Variants in IQGAP3 observed in about 807,000 individuals in gnomAD.
IQGAP3 encodes the protein ras GTPase-activating-like protein IQGAP3.
A neutral mutation model predicts 208.2 loss-of-function variants in IQGAP3; 165 were observed. The observed-to-expected ratio is 0.79, with a 90% CI of 0.70 to 0.90. IQGAP3 has a LOEUF of 0.90. Ranked by LOEUF, IQGAP3 falls within the 40% of genes least tolerant of loss-of-function variation. The probability of loss-of-function intolerance (pLI) is 0.00; values close to 1 mark genes in which losing one functional copy is unlikely to be tolerated. For missense variants in IQGAP3, 1,811 were observed against 2,043.1 expected (o/e 0.89, Z 2.19); for synonymous variants, 703 against 803.6 (o/e 0.87, Z 2.12).
rs1276084160 is a variant in IQGAP3 at position 156,531,261 on chromosome 1, A to T, written c.4104-14T>A. 1 of 1,607,780 alleles carries T rather than the reference A, an allele frequency of 6.2e-7. No homozygotes were observed. The highest frequency in any genetic ancestry group is 1.7e-5 in the Admixed American group (1 of 60,002). The stretch of plus-strand genomic sequence containing the variant: ...AGCTGCTTGGTGCTGCACAAGGAGG[A>T]CAGTGACAGAGGAGAGGTAAGGGGC... On this transcript the variant is annotated splice_polypyrimidine_tract_variant and intron_variant, in intron 32 of 37. Transcript: ENST00000361170.
intron 37 of IQGAP3, among the ~76,000 whole-genome samples, chr1:156,527,200 G>T (rs1557912719): frequency 6.6e-6 from 1 of 151,844 alleles, no homozygotes; most frequent in African/African-American, 2.4e-5. Context: ...CTACTGCTCG[G>T]CTGGGCATGG....
In IQGAP3 at chr1:156,563,571, A is replaced by T. The variant is rs1447843962; in HGVS notation, c.601T>A (p.Ser201Thr). The T allele has an allele frequency of 1.2e-6, 2 of 1,613,580 alleles. No individual in the cohort carries two copies. Among genetic ancestry groups the T allele is most frequent in the African/African-American group, 2.7e-5 (2 of 74,894 alleles). ...TCCTTACCTGCAGCCTCATCCACCG[A>T]GAGCTCATTGGCCAAGATGCCCCCG... is the stretch of plus-strand genomic sequence containing the variant. The part of the protein sequence containing the change: ...KIGGILANEL[S>T]VDEAAVHAAV... Residue 201 changes from serine to threonine, a missense_variant, in exon 7 of 38, where the codon TCG becomes ACG. Physicochemically the swap from Ser to Thr is moderately conservative, Grantham distance 58. Transcript: ENST00000361170.
At chr1:156,551,942 G>A in intron 14 of IQGAP3, 32 bp downstream of exon 14, 2 of 1,606,648 alleles carry the variant, frequency 1.2e-6, no homozygotes, top group African/African-American at 1.3e-5. Flanking sequence ...CCTAAGTTGG[G>A]CCATCTCCAC....
chr1:156,539,107 A>G, intron 25 of IQGAP3, 74 bp from the exon 26 acceptor site: 1 of 1,377,690 alleles, frequency 7.3e-7, no homozygotes, highest in Non-Finnish European at 1.0e-6. Flanking sequence ...CCTTTTTGAG[A>G]TTTTGGCTCT....
rs543527141 is a variant in IQGAP3 at position 156,538,165 on chromosome 1, A to C, written c.3281+644T>G. Among the ~76,000 whole-genome samples, 21 of 152,204 alleles carry C rather than the reference A, an allele frequency of 1.4e-4. No homozygotes were observed. The East Asian group carries it at 3.9e-3, about 28-fold the overall frequency. On this transcript the variant is annotated intron_variant, in intron 26 of 37. Transcript: ENST00000361170. ...AAGCTCTGCCTCCCAGATTCATGAC[A>C]TTCTCCTGCTTCAGCCTCCCGAGTA...
rs1352064458 is a variant in IQGAP3, at chr1:156,548,203, T to C, written c.2174A>G (p.Gln725Arg). 1 of 1,613,984 alleles carries C rather than the reference T, an allele frequency of 6.2e-7. No homozygotes were observed. Among genetic ancestry groups the C allele is most frequent in the Non-Finnish European group, 8.5e-7 (1 of 1,179,990 alleles). ...TKVTAAYDRQ[Q>R]LWKANVGFVI... is the part of the protein sequence containing the mutation. ...AAAGCCGACGTTGGCTTTCCAGAGC[T>C]GTTGGCGGTCATAGGCAGCAGTGAC... The change falls in exon 19 of 38, where the codon CAG becomes CGG. Residue 725 changes from glutamine (Q) to arginine (R), a missense_variant. Transcript: ENST00000361170.
chr1:156,567,157 G>A (rs1422474020), intron 2 of IQGAP3, among the ~76,000 whole-genome samples: 1 of 152,164 alleles, frequency 6.6e-6, no homozygotes, highest in South Asian at 2.1e-4. Context: ...ATGAGCCACC[G>A]CGCCCGGCCC....
At chr1:156,534,866 C>T (rs745597) in intron 28 of IQGAP3, 133 bp from the exon 29 acceptor site, 4 of 696,652 alleles carry the variant, frequency 5.7e-6, no homozygotes, top group Non-Finnish European at 9.6e-6. Context: ...AGGCCCAGAG[C>T]AGGCAGACAA....
At chr1:156,548,282 A>C (rs368279745) in intron 18 of IQGAP3, 39 bp from the exon 19 acceptor site, 1 of 1,607,722 alleles carries the variant, frequency 6.2e-7, no homozygotes, top group Non-Finnish European at 8.5e-7. Context: ...TCTTTTGGGG[A>C]GTGGGAGCCT....
At chr1:156,553,650 C>T (rs1305473473) in intron 13 of IQGAP3, among the ~76,000 whole-genome samples, 6 of 144,934 alleles carry the variant, frequency 4.1e-5, no homozygotes, top group South Asian at 4.3e-4. Flanking sequence ...GGTGCGATCT[C>T]GGCTCAACAC....
intron 27 of IQGAP3, 47 bp downstream of exon 27, chr1:156,537,134 C>G (rs769760720): frequency 6.3e-7 from 1 of 1,587,436 alleles, no homozygotes; most frequent in Non-Finnish European, 8.6e-7. Context: ...GTGGCCTGGC[C>G]CTCTTGAAAT....
intron 22 of IQGAP3, among the ~76,000 whole-genome samples, chr1:156,543,136 G>C (rs1675067580): frequency 6.6e-6 from 1 of 152,080 alleles, no homozygotes; most frequent in Non-Finnish European, 1.5e-5. Flanking sequence ...ATAAAGAATG[G>C]CCAGGACAAT....
At position 156,548,362 on chromosome 1, in the gene IQGAP3, G is replaced by C; in HGVS notation, c.2119C>G (p.Arg707Gly). The change falls in exon 18 of 38, where the codon CGG becomes GGG. Residue 707 changes from arginine (R) to glycine (G), a missense_variant. By Grantham distance (125) the Arg-to-Gly change is moderately radical. Coordinates refer to ENST00000361170, the MANE Select transcript of IQGAP3 (RefSeq NM_178229.5). ...GCPLNTSHLT[R>G]EEIQSAVTKV... ...GCTCTGCCAACCTGGATCTCCTCCC[G>C]GGTCAGGTGAGAGGTGTTGAGGGGG... 1 of 1,613,776 alleles carries C rather than the reference G, an allele frequency of 6.2e-7. No individual in the cohort carries two copies. Among genetic ancestry groups the C allele is most frequent in the Non-Finnish European group, 8.5e-7 (1 of 1,179,848 alleles).
chr1:156,534,770 G>A, intron 28 of IQGAP3, 37 bp from the exon 29 acceptor site: 3 of 1,420,134 alleles, frequency 2.1e-6, no homozygotes, highest in Admixed American at 2.8e-5. Context: ...AGTGTCCAGG[G>A]GCCGCCTTGA....
rs1674484357 is a variant in IQGAP3, at chr1:156,532,987, G to A, written c.4096C>T (p.Leu1366Phe). Residue 1366 changes from leucine (L) to phenylalanine (F), a missense_variant, in exon 32 of 38, where the codon CTT becomes TTT. Leu to Phe is a conservative substitution (Grantham distance 22). Coordinates refer to ENST00000361170, the MANE Select transcript of IQGAP3 (RefSeq NM_178229.5). ...DADDSNTRSL[L>F]LSTKQLLADI... Reference sequence around the variant, plus strand: ...GAGGCTGGCATCACCCACCTCAGAAGCAGGCTACGGGTGTTGGAGTCATCA... The same window carrying A: ...GAGGCTGGCATCACCCACCTCAGAAACAGGCTACGGGTGTTGGAGTCATCA... The A allele has an allele frequency of 1.9e-6, 3 of 1,613,890 alleles. No individual in the cohort carries two copies. In the East Asian group the frequency reaches 6.7e-5, roughly 36 times the overall value.
chr1:156,542,871 G>A (rs1031916888), intron 22 of IQGAP3, among the ~76,000 whole-genome samples: 2 of 152,070 alleles, frequency 1.3e-5, no homozygotes, highest in Non-Finnish European at 2.9e-5. Context: ...AGCCTGGAAG[G>A]TTGAGGCTGC....
intron 34 of IQGAP3, among the ~76,000 whole-genome samples, 197 bp from the exon 35 acceptor site, chr1:156,529,279 G>A (rs1674264695): frequency 6.6e-6 from 1 of 152,208 alleles, no homozygotes. Flanking sequence ...GCCCGTTGAG[G>A]ACTAACTGGT....
chr1:156,556,821 G>T (rs544766248), intron 11 of IQGAP3, 128 bp from the exon 12 acceptor site: 2 of 877,680 alleles, frequency 2.3e-6, no homozygotes, highest in Admixed American at 3.4e-5. Context: ...TCAAAAATCT[G>T]CTAGGTTTAA....
At chr1:156,539,287 C>G in intron 25 of IQGAP3, 87 bp downstream of exon 25, 1 of 1,309,642 alleles carries the variant, frequency 7.6e-7, no homozygotes, top group South Asian at 1.3e-5. Flanking sequence ...ACCCTTAGGC[C>G]TCAACAAGTT....
Sources: allele counts gnomAD v4.1 joint callset (sites outside exome capture counted in the v4.1 genomes callset), GRCh38; gene constraint gnomAD v4.1.1; transcripts MANE v1.5; gene names NCBI Gene and HGNC (gene_info 2026-07-23, HGNC 2026-07-21).